GPC6: variants seen among roughly 807,000 people sequenced by gnomAD.
GPC6 encodes the protein glypican-6.
A neutral mutation model predicts 55.2 loss-of-function variants in GPC6; 14 were observed. That is an observed-to-expected ratio of 0.25 (90% CI 0.17 to 0.40). The LOEUF is 0.40. Ranked by LOEUF, GPC6 falls within the 10% of genes least tolerant of loss-of-function variation. The pLI, the probability that GPC6 is intolerant of heterozygous loss-of-function variation, is 1.00. For synonymous variants in GPC6, 278 were observed against 259.6 expected (o/e 1.07, Z -0.68); for missense variants, 641 against 708.5 (o/e 0.90, Z 1.08).
chr13:93,227,358 AGGAGCGCGCCGCTGCCTCTGGCGG>A lies in GPC6; in HGVS notation c.-97_-74del. On this transcript the variant is annotated 5_prime_UTR_variant, in exon 1 of 9. Transcript: ENST00000377047. This position sits in a 1 kb window ranked among gnomAD's most constrained non-coding sequence, Gnocchi z 4.3. Reference sequence around the variant, plus strand: ...AAGGGGGTGACGCTGGGCAGCGGCGAGGAGCGCGCCGCTGCCTCTGGCGGGCTTTCGGCTTGAGGGGCAAGGTGA... The same window carrying A: ...AAGGGGGTGACGCTGGGCAGCGGCGAGCTTTCGGCTTGAGGGGCAAGGTGA... 1 of 1,202,252 alleles carries A rather than the reference AGGAGCGCGCCGCTGCCTCTGGCGG, an allele frequency of 8.3e-7. No individual in the cohort carries two copies. The highest frequency in any genetic ancestry group is 1.3e-5 in the South Asian group (1 of 74,568). 74.5% of individuals were successfully genotyped at this position (1,202,252 alleles called of 1,614,324 possible).
intron 3 of GPC6, among the ~76,000 whole-genome samples, chr13:93,972,390 A>G (rs1018954778): frequency 2.0e-5 from 3 of 152,172 alleles, no homozygotes; most frequent in Non-Finnish European, 2.9e-5. Context: ...TGGGGATGCT[A>G]TGTATGTCCC....
At chr13:93,252,495 G>C (rs1344330371) in intron 1 of GPC6, among the ~76,000 whole-genome samples, 1 of 152,158 alleles carries the variant, frequency 6.6e-6, no homozygotes, top group Non-Finnish European at 1.5e-5. Flanking sequence ...CAACCCTGTT[G>C]AAAGTTCTCT....
At chr13:93,418,611 G>C (rs956043529) in intron 1 of GPC6, among the ~76,000 whole-genome samples, 2 of 150,938 alleles carry the variant, frequency 1.3e-5, no homozygotes, top group South Asian at 2.1e-4. Flanking sequence ...CTATACCGTA[G>C]TATCATTTTA....
intron 1 of GPC6, among the ~76,000 whole-genome samples, chr13:93,382,000 A>G (rs2139205294): frequency 6.6e-6 from 1 of 152,284 alleles, no homozygotes; most frequent in African/African-American, 2.4e-5. Context: ...CCTATGTCCA[A>G]TTTGAATTTA....
At chr13:93,296,308 C>G (rs1416750116) in intron 1 of GPC6, among the ~76,000 whole-genome samples, 1 of 152,176 alleles carries the variant, frequency 6.6e-6, no homozygotes, top group African/African-American at 2.4e-5. Flanking sequence ...ACCACTGTCA[C>G]TGTCTTTGTT....
At chr13:93,317,901 C>A (rs1879297799) in intron 1 of GPC6, among the ~76,000 whole-genome samples, 1 of 152,144 alleles carries the variant, frequency 6.6e-6, no homozygotes, top group Admixed American at 6.6e-5. Flanking sequence ...AGATATTTTA[C>A]AAAGGAGGGG....
At chr13:93,305,636 T>C (rs1274961813) in intron 1 of GPC6, among the ~76,000 whole-genome samples, 2 of 152,208 alleles carry the variant, frequency 1.3e-5, no homozygotes, top group African/African-American at 2.4e-5. Context: ...CCATCCTAAA[T>C]GTTTATTCTT....
chr13:93,253,661 A>C (rs1876859883), intron 1 of GPC6, among the ~76,000 whole-genome samples: 1 of 152,142 alleles, frequency 6.6e-6, no homozygotes. Context: ...TCTTTGATAT[A>C]AATGGATGAA....
At chr13:93,791,867 A>T (rs1888228) in intron 2 of GPC6, among the ~76,000 whole-genome samples, 34,788 of 152,158 alleles carry the variant, frequency 0.23, 4,656 homozygotes, top group East Asian at 0.35. Context: ...AACTGTCTCA[A>T]ATGAATCTGT....
chr13:93,361,472 A>G (rs1881037976), intron 1 of GPC6, among the ~76,000 whole-genome samples: 1 of 152,184 alleles, frequency 6.6e-6, no homozygotes, highest in Admixed American at 6.5e-5. Context: ...AATAAGCATC[A>G]TGCCATAGAT....
chr13:94,059,374 T>C (rs1235617042), intron 4 of GPC6, among the ~76,000 whole-genome samples: 1 of 152,120 alleles, frequency 6.6e-6, no homozygotes, highest in Non-Finnish European at 1.5e-5. Flanking sequence ...CTGCTTCTCC[T>C]ATCTTTCCTC....
chr13:93,465,806 A>G (rs774808517), intron 1 of GPC6, among the ~76,000 whole-genome samples: 1 of 152,228 alleles, frequency 6.6e-6, no homozygotes, highest in Non-Finnish European at 1.5e-5. Context: ...TCAGCTTTCA[A>G]TGTGCCTTAA....
At chr13:93,429,907 C>T (rs1452831835) in intron 1 of GPC6, among the ~76,000 whole-genome samples, 1 of 152,052 alleles carries the variant, frequency 6.6e-6, no homozygotes, top group Non-Finnish European at 1.5e-5. Flanking sequence ...GAAACAGTTG[C>T]CTGAGAGTCC....
intron 7 of GPC6, among the ~76,000 whole-genome samples, chr13:94,386,622 A>AT (rs1431589841): frequency 1.3e-5 from 2 of 152,222 alleles, no homozygotes; most frequent in African/African-American, 2.4e-5. Flanking sequence ...AGAAGAAATA[A>AT]TTTTTTTAAA....
chr13:93,314,175 A>T (rs536385141), intron 1 of GPC6, among the ~76,000 whole-genome samples: 1 of 152,054 alleles, frequency 6.6e-6, no homozygotes, highest in East Asian at 1.9e-4. Flanking sequence ...GCATAAAAGA[A>T]TTTTTTTTCC....
At chr13:93,636,401 C>G (rs902240024) in intron 2 of GPC6, among the ~76,000 whole-genome samples, 5 of 152,124 alleles carry the variant, frequency 3.3e-5, no homozygotes, top group Non-Finnish European at 7.3e-5. Flanking sequence ...TGCAAGAAAA[C>G]TAGTATTTAT....
intron 4 of GPC6, among the ~76,000 whole-genome samples, chr13:94,202,536 A>G (rs1594053042): frequency 1.3e-5 from 2 of 152,314 alleles, no homozygotes; most frequent in South Asian, 4.1e-4. Context: ...AGAGAACAGT[A>G]TGGGGGAAAC....
At chr13:94,220,953 T>C (rs1890365156) in intron 4 of GPC6, among the ~76,000 whole-genome samples, 1 of 152,082 alleles carries the variant, frequency 6.6e-6, no homozygotes, top group South Asian at 2.1e-4. Flanking sequence ...GGGGAGGGCA[T>C]AATTCAAGCC....
chr13:93,523,765 T>C (rs1452607364), intron 1 of GPC6, among the ~76,000 whole-genome samples: 4 of 152,078 alleles, frequency 2.6e-5, no homozygotes, highest in Admixed American at 2.6e-4. Flanking sequence ...TGTTCTTTTT[T>C]GCTTTCTATC....
Sources: gnomAD v4.1 joint callset for allele counts (sites outside exome capture counted in the v4.1 genomes callset) on GRCh38, gnomAD v4.1.1 for gene constraint, Gnocchi (gnomAD v3.1) non-coding constraint, MANE v1.5 for transcripts, NCBI Gene and HGNC (gene_info 2026-07-23, HGNC 2026-07-21) for gene names.